Variants in KIF22 observed in about 807,000 individuals in gnomAD.
KIF22 encodes the protein kinesin family member 22, also known as kinesin-like protein KIF22.
KIF22 carries 62 observed loss-of-function variants against 73.0 expected under a neutral mutation model. The ratio of observed to expected loss-of-function variants is 0.85; its 90% CI spans 0.69 to 1.05. The LOEUF (loss-of-function observed/expected upper bound fraction) is 1.05, where lower values mean the gene tolerates loss of function less well. Among genes scored for constraint, KIF22 ranks in the 50% least tolerant of loss-of-function variants. The pLI, the probability that KIF22 is intolerant of heterozygous loss-of-function variation, is 0.00. For synonymous variants in KIF22, 411 were observed against 340.1 expected (o/e 1.21, Z -2.29); for missense variants, 854 against 870.1 (o/e 0.98, Z 0.23).
intron 1 of KIF22, chr16:29,791,509 C>T (rs1229835053): frequency 1.3e-5 from 2 of 152,618 alleles, no homozygotes; most frequent in East Asian, 1.9e-4. Context: ...ACTTAATCCT[C>T]GTTAGTGATG....
intron 1 of KIF22, 173 bp downstream of exon 1, chr16:29,791,002 G>C: frequency 6.9e-7 from 1 of 1,458,200 alleles, no homozygotes; most frequent in Non-Finnish European, 9.1e-7. Flanking sequence ...GCCCCGCCTG[G>C]CTCCTGCCTT....
intron 1 of KIF22, among the ~76,000 whole-genome samples, chr16:29,794,980 C>T (rs978035163): frequency 6.6e-6 from 1 of 151,904 alleles, no homozygotes; most frequent in Non-Finnish European, 1.5e-5. Flanking sequence ...AATTGAAGTC[C>T]ACTTCTGTCT....
rs6145811 is a variant in KIF22, at chr16:29,798,313, TACACACACACACAC to T, written c.267-40_267-27del. 1.8e-3 allele frequency: 2,185 copies of T among 1,241,606 alleles called. 21 individuals are homozygous for T. In the African/African-American group the frequency reaches 0.032, roughly 18 times the overall value. The allele number at this position is 1,241,606 out of a possible 1,614,324, so 76.9% of individuals were successfully genotyped here. On this transcript the variant is annotated intron_variant, in intron 2 of 13. Coordinates refer to ENST00000160827, the MANE Select transcript of KIF22 (RefSeq NM_007317.3). This position sits in a 1 kb window ranked among gnomAD's most constrained non-coding sequence, Gnocchi z 4.1. ...CCCACCCCCACCCCACTCCACCCCT[TACACACACACACAC>T]ACACACACACACACACACACGCTAA...
chr16:29,796,907 C>G lies in KIF22; in HGVS notation c.85C>G (p.Arg29Gly), dbSNP rs187362041. The G allele has an allele frequency of 5.6e-6, 9 of 1,614,066 alleles. No homozygotes were observed. In the South Asian group the frequency reaches 9.9e-5, roughly 18 times the overall value. ...AAAISGAGRC[R>G]LSKIGATRRP... ...CTCTCCTCCAGGAGCTGGTCGCTGT[C>G]GGCTAAGCAAGATTGGAGCTACTCG... The change falls in exon 2 of 14, where the codon CGG (arginine) becomes GGG (glycine). Residue 29 changes from arginine (R) to glycine (G), a missense_variant. Arg to Gly is a moderately radical substitution (Grantham distance 125, BLOSUM62 -2). This residue lies in a region of KIF22 where 186 missense variants were observed against 152.9 expected (regional missense o/e 1.22). Transcript: ENST00000160827.
Position 29,799,982 on chromosome 16 carries a change from C to T in KIF22, c.1214C>T (p.Pro405Leu). Residue 405 changes from proline to leucine, a missense_variant, in exon 8 of 14, where the codon CCT (proline) becomes CTT (leucine). By Grantham distance (98) the Pro-to-Leu change is moderately conservative. Transcript: ENST00000160827. ...GPPEAKRARG[P>L]EEEEIGSPEP... ...CCAGAGGCAAAGAGAGCCCGAGGCC[C>T]TGAGGAAGAGGAGATCGGGAGCCCT... The T allele has an allele frequency of 6.2e-7, 1 of 1,614,178 alleles. No homozygotes were observed. Among genetic ancestry groups the T allele is most frequent in the South Asian group, 1.1e-5 (1 of 91,078 alleles).
chr16:29,803,376 C>A, intron 9 of KIF22, 73 bp from the exon 10 acceptor site: 1 of 1,576,160 alleles, frequency 6.3e-7, no homozygotes, highest in Non-Finnish European at 8.6e-7. Flanking sequence ...TGCATACTCA[C>A]CCTGGTAACC....
At chr16:29,795,882 C>T (rs1898936919) in intron 1 of KIF22, among the ~76,000 whole-genome samples, 1 of 151,972 alleles carries the variant, frequency 6.6e-6, no homozygotes, top group Non-Finnish European at 1.5e-5. Flanking sequence ...CACATAATTC[C>T]CCATCAAGAG....
intron 1 of KIF22, chr16:29,791,190 T>G: frequency 8.9e-7 from 1 of 1,119,594 alleles, no homozygotes. Flanking sequence ...GCGGACGCTC[T>G]AGCCACGAGG....
rs760651443 is a variant in KIF22 at position 29,799,127 on chromosome 16, A to G, written c.702A>G (p.Val234=). 2.4e-5 allele frequency: 38 copies of G among 1,614,022 alleles called. No individual in the cohort carries two copies. Among genetic ancestry groups the G allele is most frequent in the African/African-American group, 4.0e-5 (3 of 74,928 alleles). ...TGCCAGCCAGTCGAAATCGGACTGT[A>G]GGAGCCACCCGGCTCAACCAGCGCT... ...HFLPASRNRT[V]GATRLNQRSS... The change falls in exon 5 of 14, where the codon GTA becomes GTG. Residue 234 remains valine (V), a synonymous_variant. Transcript: ENST00000160827.
chr16:29,798,487 G>C lies in KIF22; in HGVS notation c.380G>C (p.Gly127Ala). 6.2e-7 allele frequency: 1 copy of C among 1,614,164 alleles called. No individual in the cohort carries two copies. Among genetic ancestry groups the C allele is most frequent in the Non-Finnish European group, 8.5e-7 (1 of 1,180,042 alleles). ...CAGAATGCCAGTGTGCTTGCCTATG[G>C]ACCCACAGGAGCTGGTGAGGGAGCC... Reference protein sequence around the residue: ...EGQNASVLAYGPTGAGKTHTM... With the variant: ...EGQNASVLAYAPTGAGKTHTM... The change falls in exon 3 of 14, where the codon GGA (glycine) becomes GCA (alanine). Residue 127 changes from glycine to alanine, a missense_variant. By Grantham distance (60) the Gly-to-Ala change is moderately conservative (BLOSUM62 0). Around this residue, in one of 3 missense-constraint regions of KIF22, gnomAD observed 245 missense variants for 351.8 expected, o/e 0.70. Transcript: ENST00000160827. This position sits in a 1 kb window ranked among gnomAD's most constrained non-coding sequence, Gnocchi z 4.1.
At chr16:29,803,668 TGTTAGGA>T (rs1899225981) in intron 10 of KIF22, 60 bp downstream of exon 10, 2 of 1,354,492 alleles carry the variant, frequency 1.5e-6, no homozygotes, top group Middle Eastern at 2.5e-4. Context: ...AGGGAGGAAG[TGTTAGGA>T]GCAGCTGTCT....
At chr16:29,791,839 C>T (rs878943940) in intron 1 of KIF22, among the ~76,000 whole-genome samples, 32 of 152,200 alleles carry the variant, frequency 2.1e-4, no homozygotes, top group Non-Finnish European at 4.4e-5. Flanking sequence ...GTTATCCCTG[C>T]TGGCTGAGCA....
rs764488170 is a variant in KIF22, at chr16:29,803,555, C to A, written c.1556C>A (p.Thr519Lys). The A allele has an allele frequency of 2.5e-6, 4 of 1,613,630 alleles. No homozygotes were observed. The Admixed American group carries it at 6.7e-5, about 27-fold the overall frequency. ...ATGCTCCGGCCCCTTTCACATCGCA[C>A]AGTCACAGGGGCAAAGCCCCTGAAA... ...PTMLRPLSHR[T>K]VTGAKPLKKA... Residue 519 changes from threonine (T) to lysine (K), a missense_variant, in exon 10 of 14, where the codon ACA becomes AAA. By Grantham distance (78) the Thr-to-Lys change is moderately conservative. Transcript: ENST00000160827.
intron 1 of KIF22, among the ~76,000 whole-genome samples, chr16:29,792,169 A>AAAGAGGCCAAC (rs77399356): frequency 3.3e-5 from 5 of 151,928 alleles, no homozygotes; most frequent in African/African-American, 4.8e-5. Context: ...TTATGATGTA[A>AAAGAGGCCAAC]GATGCTCTCT....
At chr16:29,802,645 C>A in intron 8 of KIF22, 124 bp from the exon 9 acceptor site, 1 of 891,926 alleles carries the variant, frequency 1.1e-6, no homozygotes, top group Non-Finnish European at 1.6e-6. Context: ...GGATGCCTAG[C>A]AAGTTAACAT....
rs1899221786 is a variant in KIF22, at chr16:29,803,574, C to T, written c.1575C>T (p.Pro525=). ...ATCGCACAGTCACAGGGGCAAAGCC[C>T]CTGAAAAAGGCTGTGGTGATGCCCC... is the stretch of plus-strand genomic sequence containing the variant. ...LSHRTVTGAK[P]LKKAVVMPLQ... Residue 525 remains proline (P), a synonymous_variant, in exon 10 of 14, where the codon CCC becomes CCT. Transcript: ENST00000160827. 6.2e-7 allele frequency: 1 copy of T among 1,612,676 alleles called. No individual in the cohort carries two copies. Among genetic ancestry groups the T allele is most frequent in the Non-Finnish European group, 8.5e-7 (1 of 1,179,282 alleles).
At chr16:29,793,096 C>T (rs937498390) in intron 1 of KIF22, among the ~76,000 whole-genome samples, 5 of 152,120 alleles carry the variant, frequency 3.3e-5, no homozygotes, top group Admixed American at 6.6e-5. Flanking sequence ...CATCAGAGAT[C>T]AAAGGAGGAG....
In KIF22 at chr16:29,799,484, G is replaced by A. The variant is rs745580200; in HGVS notation, c.980G>A (p.Arg327His). ...CCTTATCGGGACAGCAAGCTCACTC[G>A]CCTATTGCAGGTCAGGCCCACCTGT... ...RVPYRDSKLTRLLQDSLGGSA... is the reference protein window; with the variant it reads ...RVPYRDSKLTHLLQDSLGGSA... Residue 327 changes from arginine (R) to histidine (H), a missense_variant, in exon 6 of 14, where the codon CGC becomes CAC. Arg to His is a conservative substitution (Grantham distance 29). Around this residue, in one of 3 missense-constraint regions of KIF22, gnomAD observed 245 missense variants for 351.8 expected, o/e 0.70. Transcript: ENST00000160827. 5.6e-6 allele frequency: 9 copies of A among 1,614,080 alleles called. No individual in the cohort carries two copies. Among genetic ancestry groups the A allele is most frequent in the East Asian group, 2.2e-5 (1 of 44,884 alleles).
At chr16:29,792,455 A>AT (rs908729972) in intron 1 of KIF22, 23 of 972,174 alleles carry the variant, frequency 2.4e-5, no homozygotes, top group Admixed American at 6.2e-5. Context: ...CTAAATCTTA[A>AT]TTTTTTTCAG....
Sources: allele counts gnomAD v4.1 joint callset (sites outside exome capture counted in the v4.1 genomes callset), GRCh38; gene constraint gnomAD v4.1.1; regional missense constraint gnomAD v4.1.1; non-coding constraint Gnocchi (gnomAD v3.1); transcripts MANE v1.5; gene names NCBI Gene and HGNC (gene_info 2026-07-23, HGNC 2026-07-21).